The following ZNF827 variants were observed in gnomAD, a reference collection of about 807,000 sequenced individuals.
The protein encoded by ZNF827 is zinc finger protein 827.
A neutral mutation model predicts 102.4 loss-of-function variants in ZNF827; 13 were observed. That is an observed-to-expected ratio of 0.13 (90% CI 0.08 to 0.20). The LOEUF (loss-of-function observed/expected upper bound fraction) is 0.20, where lower values mean the gene tolerates loss of function less well. ZNF827 is among the 10% of genes least tolerant of loss of function. The pLI is 1.00. For synonymous variants in ZNF827, 523 were observed against 536.2 expected (o/e 0.98, Z 0.34); for missense variants, 1,103 against 1,344.4 (o/e 0.82, Z 2.81).
chr4:145,929,878 A>C (rs1753679805), intron 1 of ZNF827, among the ~76,000 whole-genome samples: 1 of 152,246 alleles, frequency 6.6e-6, no homozygotes, highest in African/African-American at 2.4e-5. Context: ...GTGATACAGA[A>C]ACTATTACCA....
intron 7 of ZNF827, among the ~76,000 whole-genome samples, chr4:145,828,206 T>C (rs953221588): frequency 3.3e-5 from 5 of 152,096 alleles, no homozygotes; most frequent in African/African-American, 4.8e-5. Flanking sequence ...TTACCAACTG[T>C]TCCAGAAAAG....
chr4:145,799,167 G>A (rs1181196283), intron 8 of ZNF827, among the ~76,000 whole-genome samples: 2 of 152,174 alleles, frequency 1.3e-5, no homozygotes, highest in Non-Finnish European at 2.9e-5. Flanking sequence ...ATCCAAATTA[G>A]ATCAGAGCAA....
chr4:145,802,344 CTTTGT>C (rs1174910637), intron 8 of ZNF827, among the ~76,000 whole-genome samples: 1 of 152,156 alleles, frequency 6.6e-6, no homozygotes, highest in Non-Finnish European at 1.5e-5. Context: ...GGCTTGATTC[CTTTGT>C]TTTATTTGTT....
intron 4 of ZNF827, among the ~76,000 whole-genome samples, chr4:145,877,760 C>A (rs912792548): frequency 4.6e-5 from 7 of 152,186 alleles, no homozygotes; most frequent in Admixed American, 2.0e-4. Context: ...AACTAAACTA[C>A]TAAAACCAAC....
intron 2 of ZNF827, among the ~76,000 whole-genome samples, chr4:145,901,173 A>C (rs925406456): frequency 6.6e-6 from 1 of 152,222 alleles, no homozygotes; most frequent in Non-Finnish European, 1.5e-5. Context: ...TTGTTGCTGA[A>C]AATAATCAAA....
rs772211555 is a variant in ZNF827, at chr4:145,902,348, G to A, written c.911C>T (p.Ala304Val). The change falls in exon 2 of 15, where the codon GCT becomes GTT. Residue 304 changes from alanine (A) to valine (V), a missense_variant. Physicochemically the swap from Ala to Val is moderately conservative, Grantham distance 64. Around this residue, in one of 5 missense-constraint regions of ZNF827, gnomAD observed 441 missense variants for 458.6 expected, o/e 0.96. Coordinates refer to ENST00000508784, the MANE Select transcript of ZNF827 (RefSeq NM_001306215.2). This position sits in a 1 kb window ranked among gnomAD's most constrained non-coding sequence, Gnocchi z 4.3. ...VAARAAGSLLAEKSSLLPEDP... is the reference protein window; with the variant it reads ...VAARAAGSLLVEKSSLLPEDP... ...CTCAGGCAGCAGCGATGATTTCTCA[G>A]CCAGAAGACTGCCCGCAGCCCTTGC... The A allele has an allele frequency of 6.2e-7, 1 of 1,608,246 alleles. No homozygotes were observed. Among genetic ancestry groups the A allele is most frequent in the East Asian group, 2.2e-5 (1 of 44,778 alleles).
chr4:145,810,801 A>G (rs146275773), intron 8 of ZNF827, among the ~76,000 whole-genome samples: 1,639 of 152,186 alleles, frequency 0.011, 13 homozygotes, highest in Middle Eastern at 0.034. Context: ...TTTATTGAAA[A>G]TGGTTTCCTA....
chr4:145,914,963 T>C (rs1378376424), intron 1 of ZNF827, among the ~76,000 whole-genome samples: 2 of 152,248 alleles, frequency 1.3e-5, no homozygotes, highest in African/African-American at 2.4e-5. Flanking sequence ...TTGTCTTAGC[T>C]GATTTCGTGT....
chr4:145,842,799 C>A (rs138666708), intron 7 of ZNF827, among the ~76,000 whole-genome samples: 1 of 152,096 alleles, frequency 6.6e-6, no homozygotes, highest in Non-Finnish European at 1.5e-5. Flanking sequence ...TCTCAAAGTG[C>A]GAAAAATTCT....
At position 145,760,720 on chromosome 4, in the gene ZNF827, GT is replaced by G. The variant is rs10715391; in HGVS notation, c.*895del. 390,812 of 705,596 alleles carry G rather than the reference GT, an allele frequency of 0.55. 55,260 individuals are homozygous for G. Among genetic ancestry groups the G allele is most frequent in the African/African-American group, 0.8 (34,550 of 43,152 alleles). The allele number at this position is 705,596 out of a possible 1,614,324, so 43.7% of individuals were successfully genotyped here. A position where few individuals can be genotyped will look rare whatever the true frequency, so the allele number is the denominator to read the frequency against. Reference sequence around the variant, plus strand: ...GCTGGGGTTGTGTTTAAGTTTTGTGGTTTTTTTTTTTTTTTTTGTCTTTTGT... The same window carrying G: ...GCTGGGGTTGTGTTTAAGTTTTGTGGTTTTTTTTTTTTTTTTGTCTTTTGT... On this transcript the variant is annotated 3_prime_UTR_variant, in exon 15 of 15. Coordinates refer to ENST00000508784, the MANE Select transcript of ZNF827 (RefSeq NM_001306215.2).
At chr4:145,792,334 A>T (rs1010767746) in intron 8 of ZNF827, among the ~76,000 whole-genome samples, 14 of 152,086 alleles carry the variant, frequency 9.2e-5, no homozygotes, top group African/African-American at 3.1e-4. Flanking sequence ...CTGAATTTGT[A>T]TATGAAAGTC....
chr4:145,811,941 C>T (rs904969678), intron 8 of ZNF827, among the ~76,000 whole-genome samples: 1 of 150,854 alleles, frequency 6.6e-6, no homozygotes, highest in African/African-American at 2.4e-5. Flanking sequence ...CTGAGACGGA[C>T]TCTCACTCTG....
intron 1 of ZNF827, among the ~76,000 whole-genome samples, chr4:145,909,092 C>T (rs1245203625): frequency 2.6e-5 from 4 of 152,284 alleles, no homozygotes; most frequent in African/African-American, 9.6e-5. Context: ...ATAAAATACA[C>T]TATCTTCACA....
intron 8 of ZNF827, among the ~76,000 whole-genome samples, chr4:145,790,593 GGATTCTGCAGTTCT>G (rs1739537793): frequency 6.6e-6 from 1 of 152,026 alleles, no homozygotes; most frequent in Admixed American, 6.6e-5. Flanking sequence ...AAGCCTCTAG[GGATTCTGCAGTTCT>G]CTTCACTAAG....
intron 5 of ZNF827, among the ~76,000 whole-genome samples, chr4:145,850,798 A>G (rs1746452572): frequency 6.6e-6 from 1 of 152,238 alleles, no homozygotes; most frequent in African/African-American, 2.4e-5. Flanking sequence ...GATGATAGAC[A>G]GACAGATAGA....
chr4:145,867,341 C>T (rs1289410105), intron 5 of ZNF827, among the ~76,000 whole-genome samples: 2 of 152,192 alleles, frequency 1.3e-5, no homozygotes, highest in African/African-American at 4.8e-5. Context: ...TCCCATAAAA[C>T]ACAAATGTCA....
At chr4:145,913,541 G>A (rs2126934292) in intron 1 of ZNF827, among the ~76,000 whole-genome samples, 1 of 151,230 alleles carries the variant, frequency 6.6e-6, no homozygotes, top group Non-Finnish European at 1.5e-5. Flanking sequence ...TCACGTTTCA[G>A]CAAATTAATA....
At chr4:145,845,909 G>C in intron 7 of ZNF827, 47 bp downstream of exon 7, 1 of 1,599,626 alleles carries the variant, frequency 6.3e-7, no homozygotes, top group African/African-American at 1.3e-5. Flanking sequence ...GTACGGGCTG[G>C]TGGCCCACAC....
chr4:145,879,467 T>C (rs1436657762), intron 4 of ZNF827, among the ~76,000 whole-genome samples: 3 of 151,970 alleles, frequency 2.0e-5, no homozygotes, highest in Non-Finnish European at 4.4e-5. Flanking sequence ...TACAATAGGC[T>C]TTGGTAAAAT....
Sources: allele counts gnomAD v4.1 joint callset (sites outside exome capture counted in the v4.1 genomes callset), GRCh38; gene constraint gnomAD v4.1.1; regional missense constraint gnomAD v4.1.1; non-coding constraint Gnocchi (gnomAD v3.1); transcripts MANE v1.5; gene names NCBI Gene and HGNC (gene_info 2026-07-23, HGNC 2026-07-21).